Variants in CAMSAP2 observed in about 807,000 individuals in gnomAD.
CAMSAP2 encodes the protein calmodulin-regulated spectrin-associated protein 2.
In CAMSAP2, 26 loss-of-function variants were observed where a neutral mutation model predicts 146.1. The ratio of observed to expected loss-of-function variants is 0.18; its 90% CI spans 0.13 to 0.25. The LOEUF (loss-of-function observed/expected upper bound fraction) is 0.25, where lower values mean the gene tolerates loss of function less well. Among genes scored for constraint, CAMSAP2 ranks in the 10% least tolerant of loss-of-function variants. CAMSAP2 has a pLI of 1.00. For synonymous variants in CAMSAP2, 499 were observed against 596.6 expected, an observed-to-expected ratio of 0.84 and a Z score of 2.38; for missense variants, 1,381 against 1,759.3, an observed-to-expected ratio of 0.78 and a Z score of 3.85.
At chr1:200,759,280 A>AT (rs374473632) in intron 1 of CAMSAP2, among the ~76,000 whole-genome samples, 14,927 of 128,722 alleles carry the variant, frequency 0.12, 1,010 homozygotes, top group Middle Eastern at 0.18. Context: ...CTGCTATTCT[A>AT]TTTTTTTTTT....
intron 4 of CAMSAP2, chr1:200,828,671 T>C: frequency 7.1e-7 from 1 of 1,416,100 alleles, no homozygotes; most frequent in Non-Finnish European, 9.7e-7. Flanking sequence ...ATTGTTTATG[T>C]CTTGCTGTTA....
intron 2 of CAMSAP2, among the ~76,000 whole-genome samples, chr1:200,789,108 C>T (rs1241487224): frequency 3.3e-5 from 5 of 152,048 alleles, no homozygotes; most frequent in Admixed American, 6.6e-5. Flanking sequence ...ATGTCTTTTG[C>T]AATTGTTTTC....
At chr1:200,740,545 G>A (rs1345156551) in intron 1 of CAMSAP2, among the ~76,000 whole-genome samples, 1 of 152,192 alleles carries the variant, frequency 6.6e-6, no homozygotes, top group Non-Finnish European at 1.5e-5. Context: ...TTTAAAACCA[G>A]CGTTCAGTTT....
At position 200,816,754 on chromosome 1, in the gene CAMSAP2, A is replaced by G. The variant is rs1257858219; in HGVS notation, c.645+1110A>G. On this transcript the variant is annotated intron_variant, in intron 4 of 16. Transcript: ENST00000358823. ...TGTGTGTACACACACACGCGTGTAT[A>G]TATGTGTGTACACACACACGCGTGT... 3.9e-5 allele frequency among the ~76,000 whole-genome samples: 5 copies of G among 128,542 alleles called. 1 individual carries two copies. Among genetic ancestry groups the G allele is most frequent in the South Asian group, 2.5e-4 (1 of 4,028 alleles). 84.3% of individuals were successfully genotyped at this position (128,542 alleles called of 152,430 possible).
In CAMSAP2 at chr1:200,816,828, A is replaced by G. The variant is rs775956380; in HGVS notation, c.645+1184A>G. Among the ~76,000 whole-genome samples, 325 of 62,990 alleles carry G rather than the reference A, an allele frequency of 5.2e-3. 34 individuals are homozygous for G. The highest frequency in any genetic ancestry group is 8.3e-3 in the Admixed American group (51 of 6,160). 41.3% of individuals were successfully genotyped at this position (62,990 alleles called of 152,430 possible). On this transcript the variant is annotated intron_variant, in intron 4 of 16. Coordinates refer to ENST00000358823, the MANE Select transcript of CAMSAP2 (RefSeq NM_203459.4). ...CGTGTATATATGTGTGTACACACAC[A>G]CGCGTGTGTATGTGTGTACACACAC...
intron 4 of CAMSAP2, chr1:200,828,608 A>C (rs1393046797): frequency 6.5e-7 from 1 of 1,549,918 alleles, no homozygotes; most frequent in Admixed American, 2.0e-5. Flanking sequence ...TGGTTCCAGT[A>C]AGTTTGCTCA....
At chr1:200,781,715 T>C (rs1665438077) in intron 2 of CAMSAP2, among the ~76,000 whole-genome samples, 1 of 152,004 alleles carries the variant, frequency 6.6e-6, no homozygotes, top group Non-Finnish European at 1.5e-5. Context: ...TAATTTTTTT[T>C]GTATTTTTTG....
intron 4 of CAMSAP2, among the ~76,000 whole-genome samples, chr1:200,828,784 T>C (rs1181576933): frequency 6.6e-6 from 1 of 152,126 alleles, no homozygotes; most frequent in African/African-American, 2.4e-5. Context: ...GATCAGAAGT[T>C]CTAAAAATAA....
Position 200,853,143 on chromosome 1 carries a change from C to T in CAMSAP2, c.3603-132C>T. On this transcript the variant is annotated intron_variant, in intron 12 of 16. Transcript: ENST00000358823. This position sits in a 1 kb window ranked among gnomAD's most constrained non-coding sequence, Gnocchi z 5.1. ...ATGTCTCAGCAGAATCGTCAAGTAC[C>T]TTTTAAATGAACCATTTATTCACCA... The T allele has an allele frequency of 1.3e-6, 1 of 778,454 alleles. No individual in the cohort carries two copies. The highest frequency in any genetic ancestry group is 1.8e-5 in the South Asian group (1 of 54,080). 48.2% of individuals were successfully genotyped at this position (778,454 alleles called of 1,614,324 possible). A position where few individuals can be genotyped will look rare whatever the true frequency, so the allele number is the denominator to read the frequency against.
intron 1 of CAMSAP2, 67 bp downstream of exon 1, chr1:200,740,033 C>G: frequency 6.4e-7 from 1 of 1,559,084 alleles, no homozygotes; most frequent in Non-Finnish European, 8.8e-7. Flanking sequence ...TTTTTGTTCC[C>G]GATTCTCGAA....
At chr1:200,793,486 AATT>A (rs887817728) in intron 2 of CAMSAP2, among the ~76,000 whole-genome samples, 3 of 152,178 alleles carry the variant, frequency 2.0e-5, no homozygotes, top group Non-Finnish European at 4.4e-5. Context: ...AAAGAAATAC[AATT>A]ATTTTTCACT....
At chr1:200,850,570 T>G (rs1398433392) in intron 11 of CAMSAP2, among the ~76,000 whole-genome samples, 1 of 152,128 alleles carries the variant, frequency 6.6e-6, no homozygotes, top group Non-Finnish European at 1.5e-5. Context: ...ACACTGCCAT[T>G]TTTTTTAACA....
At chr1:200,851,323 C>G (rs567491082) in intron 11 of CAMSAP2, among the ~76,000 whole-genome samples, 6 of 152,270 alleles carry the variant, frequency 3.9e-5, no homozygotes, top group African/African-American at 1.2e-4. Flanking sequence ...GCCACAGCCT[C>G]CCTAGTAGCT....
At chr1:200,817,174 A>ATACACACACACATAAGTGTGTG (rs1558192008) in intron 4 of CAMSAP2, among the ~76,000 whole-genome samples, 1 of 63,196 alleles carries the variant, frequency 1.6e-5, no homozygotes, top group Non-Finnish European at 2.7e-5. Context: ...ACGTGTGTGT[A>ATACACACACACATAAGTGTGTG]TATACACACA....
intron 6 of CAMSAP2, among the ~76,000 whole-genome samples, chr1:200,839,624 C>G (rs1314663807): frequency 4.6e-5 from 7 of 152,108 alleles, no homozygotes; most frequent in Non-Finnish European, 8.8e-5. Flanking sequence ...ATCATATGTT[C>G]TCACTCATAA....
chr1:200,852,964 A>G (rs1667658809), intron 12 of CAMSAP2, among the ~76,000 whole-genome samples: 1 of 151,898 alleles, frequency 6.6e-6, no homozygotes, highest in South Asian at 2.1e-4. Context: ...AAATAATTAT[A>G]TGTTTAAAAA....
chr1:200,747,221 G>T (rs1361306680), intron 1 of CAMSAP2, among the ~76,000 whole-genome samples: 1 of 152,112 alleles, frequency 6.6e-6, no homozygotes, highest in Non-Finnish European at 1.5e-5. Flanking sequence ...CTTTGAGGGA[G>T]CGTATGGAGA....
intron 2 of CAMSAP2, among the ~76,000 whole-genome samples, chr1:200,796,675 T>C (rs1253738411): frequency 9.9e-6 from 1 of 100,976 alleles, no homozygotes; most frequent in Non-Finnish European, 1.8e-5. Flanking sequence ...TTTTTTGTCT[T>C]TTTTTTTTTT....
At chr1:200,754,574 CTTTTTTT>C (rs35219206) in intron 1 of CAMSAP2, among the ~76,000 whole-genome samples, 4 of 86,578 alleles carry the variant, frequency 4.6e-5, no homozygotes, top group Non-Finnish European at 9.3e-5. Context: ...GAAAGAGCTC[CTTTTTTT>C]TTTTTTTTTT....
Sources: allele counts gnomAD v4.1 joint callset (sites outside exome capture counted in the v4.1 genomes callset), GRCh38; gene constraint gnomAD v4.1.1; non-coding constraint Gnocchi (gnomAD v3.1); transcripts MANE v1.5; gene names NCBI Gene and HGNC (gene_info 2026-07-23, HGNC 2026-07-21).